TMEM236: variants seen among roughly 807,000 people sequenced by gnomAD.
TMEM236 encodes transmembrane protein 236.
TMEM236 carries 11 observed loss-of-function variants against 14.7 expected under a neutral mutation model. The ratio of observed to expected loss-of-function variants is 0.75; its 90% CI spans 0.47 to 1.24. TMEM236 has a LOEUF of 1.24. Ranked by LOEUF, TMEM236 falls within the 50% of genes most tolerant of loss-of-function variation. TMEM236 has a pLI of 0.00. For missense variants in TMEM236, 464 were observed against 427.3 expected, an observed-to-expected ratio of 1.09 and a Z score of -0.76; for synonymous variants, 182 against 168.6, an observed-to-expected ratio of 1.08 and a Z score of -0.62.
chr10:17,784,807 G>T (rs1223835305), intron 3 of TMEM236, among the ~76,000 whole-genome samples: 1 of 152,152 alleles, frequency 6.6e-6, no homozygotes, highest in Non-Finnish European at 1.5e-5. Flanking sequence ...GGATAGAGGG[G>T]AGAGGACCCA....
chr10:17,789,191 C>T (rs1346359566), intron 3 of TMEM236, among the ~76,000 whole-genome samples: 1 of 152,154 alleles, frequency 6.6e-6, no homozygotes, highest in Admixed American at 6.5e-5. Context: ...TAGCATTTTT[C>T]TTTGTGATGT....
chr10:17,800,365 A>C lies in TMEM236; in HGVS notation c.*3861A>C, dbSNP rs1323960891. 6.6e-6 allele frequency: 1 copy of C among 151,910 alleles called. No homozygotes were observed. Among genetic ancestry groups the C allele is most frequent in the African/African-American group, 2.4e-5 (1 of 41,420 alleles). The allele number at this position is 151,910 out of a possible 1,614,324, so 9.4% of individuals were successfully genotyped here. Reference sequence around the variant, plus strand: ...ATAAAGTAGTTTTATAATTTTATAAAATTTTATTGATGCTGTAATTTTTAT... The same window carrying C: ...ATAAAGTAGTTTTATAATTTTATAACATTTTATTGATGCTGTAATTTTTAT... On this transcript the variant is annotated 3_prime_UTR_variant, in exon 4 of 4. Transcript: ENST00000377495.
chr10:17,779,542 C>G (rs1837714316), intron 3 of TMEM236, among the ~76,000 whole-genome samples: 1 of 152,080 alleles, frequency 6.6e-6, no homozygotes, highest in African/African-American at 2.4e-5. Context: ...TCCCAAGTAG[C>G]TGGGAATACA....
At chr10:17,762,640 TA>T (rs1406331311) in intron 1 of TMEM236, among the ~76,000 whole-genome samples, 1 of 141,834 alleles carries the variant, frequency 7.1e-6, no homozygotes. Flanking sequence ...TATATATATA[TA>T]TTTAGGTTTT....
At chr10:17,760,884 A>T (rs1446555300) in intron 1 of TMEM236, among the ~76,000 whole-genome samples, 1 of 152,196 alleles carries the variant, frequency 6.6e-6, no homozygotes, top group Non-Finnish European at 1.5e-5. Context: ...TCACAAGAAC[A>T]GCACAGGAAA....
chr10:17,770,725 T>G (rs1250231063), intron 1 of TMEM236, among the ~76,000 whole-genome samples: 1 of 152,196 alleles, frequency 6.6e-6, no homozygotes, highest in Non-Finnish European at 1.5e-5. Flanking sequence ...ATTTTCTACA[T>G]ATTATATCTC....
intron 1 of TMEM236, 21 bp from the exon 2 acceptor site, chr10:17,771,288 T>G (rs1837567208): frequency 1.2e-6 from 2 of 1,612,404 alleles, no homozygotes; most frequent in Non-Finnish European, 1.7e-6. Flanking sequence ...TTGCTTTGGC[T>G]TATTTTTTCT....
chr10:17,755,780 C>G (rs1451862365), intron 1 of TMEM236, among the ~76,000 whole-genome samples: 2 of 152,134 alleles, frequency 1.3e-5, no homozygotes, highest in Non-Finnish European at 2.9e-5. Context: ...CAGGAAGAAG[C>G]TCTTGGGTTT....
At chr10:17,761,459 G>A (rs1362792783) in intron 1 of TMEM236, among the ~76,000 whole-genome samples, 1 of 152,094 alleles carries the variant, frequency 6.6e-6, no homozygotes, top group African/African-American at 2.4e-5. Context: ...TTGGGAGGCC[G>A]AGGCGGATGG....
chr10:17,781,446 A>G (rs2131757471), intron 3 of TMEM236, among the ~76,000 whole-genome samples: 1 of 151,574 alleles, frequency 6.6e-6, no homozygotes, highest in East Asian at 1.9e-4. Flanking sequence ...GTGACTAAAA[A>G]TTTGCATGCA....
At chr10:17,790,982 C>G (rs1223687165) in intron 3 of TMEM236, among the ~76,000 whole-genome samples, 1 of 152,168 alleles carries the variant, frequency 6.6e-6, no homozygotes, top group Non-Finnish European at 1.5e-5. Context: ...AGAATAAAAT[C>G]CAAAACTTTT....
intron 1 of TMEM236, among the ~76,000 whole-genome samples, chr10:17,764,312 C>T (rs1168969130): frequency 1.3e-5 from 2 of 152,068 alleles, no homozygotes; most frequent in Non-Finnish European, 2.9e-5. Flanking sequence ...AGGAGGGTCC[C>T]TCTCATTGCC....
chr10:17,763,260 T>C (rs903601315), intron 1 of TMEM236, among the ~76,000 whole-genome samples: 15 of 151,980 alleles, frequency 9.9e-5, no homozygotes, highest in Non-Finnish European at 2.1e-4. Context: ...GAGACCACCC[T>C]GGGCAACACA....
At chr10:17,764,029 G>T (rs935025164) in intron 1 of TMEM236, among the ~76,000 whole-genome samples, 4 of 152,114 alleles carry the variant, frequency 2.6e-5, no homozygotes, top group African/African-American at 9.7e-5. Context: ...TTGAGTTGTC[G>T]TAAAGAGCTG....
intron 3 of TMEM236, among the ~76,000 whole-genome samples, chr10:17,783,626 C>T (rs1272513074): frequency 1.3e-5 from 2 of 152,162 alleles, no homozygotes; most frequent in Non-Finnish European, 2.9e-5. Context: ...GCAGAACTTC[C>T]GGCTCACAGT....
chr10:17,798,598 T>C lies in TMEM236; in HGVS notation c.*2094T>C, dbSNP rs2436674. 0.72 allele frequency: 382,098 copies of C among 534,318 alleles called. 138,475 individuals are homozygous for C. The highest frequency in any genetic ancestry group is 0.9 in the African/African-American group (46,879 of 52,022). The allele number at this position is 534,318 out of a possible 1,614,324, so 33.1% of individuals were successfully genotyped here. A position where few individuals can be genotyped will look rare whatever the true frequency, so the allele number is the denominator to read the frequency against. On this transcript the variant is annotated 3_prime_UTR_variant, in exon 4 of 4. Coordinates refer to ENST00000377495, the MANE Select transcript of TMEM236 (RefSeq NM_001098844.3). ...TACGCTCCACCAAATACCTCTCCCC[T>C]TGCCACCCTGTCTCCCTTTCCCTCT... is the stretch of plus-strand genomic sequence containing the variant.
At chr10:17,758,602 A>C (rs1187524276) in intron 1 of TMEM236, among the ~76,000 whole-genome samples, 1 of 152,242 alleles carries the variant, frequency 6.6e-6, no homozygotes, top group South Asian at 2.1e-4. Flanking sequence ...AGTTCCTAGC[A>C]TAGCAACTGG....
chr10:17,795,602 T>A (rs1837998715), intron 3 of TMEM236, among the ~76,000 whole-genome samples: 1 of 152,136 alleles, frequency 6.6e-6, no homozygotes, highest in South Asian at 2.1e-4. Flanking sequence ...TGAAATTCCA[T>A]GGGTAAAATC....
At position 17,796,075 on chromosome 10, in the gene TMEM236, G is replaced by C. The variant is rs1838008468; in HGVS notation, c.627G>C (p.Glu209Asp). 6 of 1,613,798 alleles carry C rather than the reference G, an allele frequency of 3.7e-6. No homozygotes were observed. The highest frequency in any genetic ancestry group is 4.2e-6 in the Non-Finnish European group (5 of 1,179,872). The change falls in exon 4 of 4, where the codon GAG (glutamate) becomes GAC (aspartate). Residue 209 changes from glutamate to aspartate, a missense_variant. Glu to Asp is a conservative substitution (Grantham distance 45, BLOSUM62 2). Transcript: ENST00000377495. ...CAGGAGCCATGACACGGAGCCAGGA[G>C]TCTGTGTTCATGGGACCCCAGGAGC... ...QPSGAMTRSQ[E>D]SVFMGPQEPS...
Sources: gnomAD v4.1 joint callset for allele counts (sites outside exome capture counted in the v4.1 genomes callset) on GRCh38, gnomAD v4.1.1 for gene constraint, MANE v1.5 for transcripts, NCBI Gene and HGNC (gene_info 2026-07-23, HGNC 2026-07-21) for gene names.